Variants in NAV3 observed in about 807,000 individuals in gnomAD.
NAV3 encodes neuron navigator 3.
NAV3 carries 87 observed loss-of-function variants against 244.7 expected under a neutral mutation model. The ratio of observed to expected loss-of-function variants is 0.36; its 90% CI spans 0.30 to 0.42. The LOEUF (loss-of-function observed/expected upper bound fraction) is 0.42, where lower values mean the gene tolerates loss of function less well. Ranked by LOEUF, NAV3 falls within the 20% of genes least tolerant of loss-of-function variation. NAV3 has a pLI of 1.00. For missense variants in NAV3, 2,663 were observed against 2,893.3 expected (o/e 0.92, Z 1.83); for synonymous variants, 1,126 against 1,042.2 (o/e 1.08, Z -1.55).
Position 78,159,246 on chromosome 12 carries a change from C to A in NAV3, c.4829C>A (p.Thr1610Asn), listed in dbSNP as rs766879518. The stretch of plus-strand genomic sequence containing the variant: ...TTTGAAAAGAGCTTAGGGAATATGA[C>A]TGGCCGATTGCAAAGTCTAACTATG... ...AAFEKSLGNM[T>N]GRLQSLTMTA... The change falls in exon 23 of 40, where the codon ACT (threonine) becomes AAT (asparagine). Residue 1610 changes from threonine to asparagine, a missense_variant. Physicochemically the swap from Thr to Asn is moderately conservative, Grantham distance 65 (BLOSUM62 0). Around this residue, in one of 6 missense-constraint regions of NAV3, gnomAD observed 48 missense variants for 90.0 expected, o/e 0.53. Transcript: ENST00000397909. 6.2e-7 allele frequency: 1 copy of A among 1,613,398 alleles called. No homozygotes were observed. Among genetic ancestry groups the A allele is most frequent in the Non-Finnish European group, 8.5e-7 (1 of 1,179,584 alleles).
At chr12:77,951,114 C>G (rs1890830461) in intron 3 of NAV3, among the ~76,000 whole-genome samples, 1 of 152,124 alleles carries the variant, frequency 6.6e-6, no homozygotes, top group Admixed American at 6.5e-5. Flanking sequence ...AAGAAATCTA[C>G]CATCAGAGTG....
intron 2 of NAV3, among the ~76,000 whole-genome samples, chr12:77,662,012 TTATTTTAAC>T (rs985907135): frequency 8.7e-4 from 130 of 149,018 alleles, no homozygotes; most frequent in African/African-American, 3.1e-3. Context: ...TTTTTCAAAA[TTATTTTAAC>T]TATTCTAGGT....
At chr12:77,622,877 C>T (rs696460) in intron 2 of NAV3, among the ~76,000 whole-genome samples, 24,081 of 152,098 alleles carry the variant, frequency 0.16, 2,796 homozygotes, top group African/African-American at 0.32. Flanking sequence ...ACTATTGAGA[C>T]TAGATGCAGA....
At chr12:77,645,498 G>A (rs1339007971) in intron 2 of NAV3, among the ~76,000 whole-genome samples, 1 of 142,930 alleles carries the variant, frequency 7.0e-6, no homozygotes, top group South Asian at 2.2e-4. Flanking sequence ...GAGCATTTAA[G>A]GGCTTTCTTG....
chr12:77,599,710 A>G (rs1318059965), intron 2 of NAV3, among the ~76,000 whole-genome samples: 3 of 151,916 alleles, frequency 2.0e-5, no homozygotes, highest in Non-Finnish European at 4.4e-5. Flanking sequence ...GATAATTTAT[A>G]AGGTTTCAAT....
At chr12:77,864,680 TACC>T (rs1302212398) in intron 1 of NAV3, among the ~76,000 whole-genome samples, 18 of 152,138 alleles carry the variant, frequency 1.2e-4, no homozygotes, top group South Asian at 8.3e-4. Flanking sequence ...TCTGTCCATC[TACC>T]ATGCATCATA....
At chr12:77,925,286 T>A (rs1157635909) in intron 1 of NAV3, among the ~76,000 whole-genome samples, 1 of 152,188 alleles carries the variant, frequency 6.6e-6, no homozygotes, top group Non-Finnish European at 1.5e-5. Flanking sequence ...AAATTTGGTT[T>A]AGAGGCTTGA....
chr12:77,896,219 T>C (rs1053044571), intron 1 of NAV3, among the ~76,000 whole-genome samples: 6 of 152,172 alleles, frequency 3.9e-5, no homozygotes, highest in African/African-American at 1.4e-4. Flanking sequence ...TGAAGTTCAC[T>C]GTAAGTCGAT....
chr12:78,162,781 G>T (rs1166634416), intron 23 of NAV3, among the ~76,000 whole-genome samples: 2 of 149,876 alleles, frequency 1.3e-5, no homozygotes, highest in African/African-American at 4.9e-5. Context: ...AGAATCACTT[G>T]AACCTGGGAG....
chr12:77,591,108 A>G (rs1242544591), intron 2 of NAV3, among the ~76,000 whole-genome samples: 2 of 152,236 alleles, frequency 1.3e-5, no homozygotes, highest in African/African-American at 2.4e-5. Context: ...AGAAAATAAA[A>G]TATATGAGAT....
intron 2 of NAV3, among the ~76,000 whole-genome samples, chr12:77,649,582 A>G (rs1373701445): frequency 3.3e-5 from 5 of 152,194 alleles, no homozygotes; most frequent in Non-Finnish European, 7.4e-5. Context: ...AAATAGAAAG[A>G]TAGTCTTTAA....
In NAV3 at chr12:78,190,202, G is replaced by A. The variant is rs748789511; in HGVS notation, c.6274G>A (p.Asp2092Asn). 1.9e-6 allele frequency: 3 copies of A among 1,611,834 alleles called. No homozygotes were observed. The African/African-American group carries it at 4.0e-5, about 22-fold the overall frequency. ...GGATGCAATTGCCACTTTTAATGTG[G>A]ACCACAAGTCAAGTAAGGTATGTTA... ...TEDAIATFNVDHKSSKELQQY... is the reference protein window; with the variant it reads ...TEDAIATFNVNHKSSKELQQY... The change falls in exon 34 of 40, where the codon GAC (aspartate) becomes AAC (asparagine). Residue 2092 changes from aspartate to asparagine, a missense_variant. Asp to Asn is a conservative substitution (Grantham distance 23). Transcript: ENST00000397909.
chr12:77,650,947 G>A (rs12319446), intron 2 of NAV3, among the ~76,000 whole-genome samples: 9,263 of 151,952 alleles, frequency 0.061, 714 homozygotes, highest in African/African-American at 0.18. Flanking sequence ...GATTGAGCAC[G>A]GAGGATAAAA....
chr12:77,746,953 G>T (rs1166953805), intron 2 of NAV3, among the ~76,000 whole-genome samples: 6 of 152,120 alleles, frequency 3.9e-5, no homozygotes, highest in Admixed American at 2.0e-4. Context: ...AGGGACACTT[G>T]TCAAACTCAA....
rs570138351 is a variant in NAV3, at chr12:77,854,299, C to G, written c.243+22595C>G. 4.6e-5 allele frequency among the ~76,000 whole-genome samples: 7 copies of G among 152,270 alleles called. No individual in the cohort carries two copies. The East Asian group carries it at 1.2e-3, about 25-fold the overall frequency. On this transcript the variant is annotated intron_variant, in intron 1 of 39. Transcript: ENST00000397909. ...TCTGTTGATTCAGCTTAGAGCAGCT[C>G]TATCATATTTTTGGCAGTACCTCAT...
At chr12:77,857,774 G>A (rs1468633668) in intron 1 of NAV3, among the ~76,000 whole-genome samples, 1 of 151,608 alleles carries the variant, frequency 6.6e-6, no homozygotes, top group African/African-American at 2.4e-5. Flanking sequence ...TGAAAACTAG[G>A]GATAGTAAAA....
intron 1 of NAV3, among the ~76,000 whole-genome samples, chr12:77,920,773 G>GA (rs138682229): frequency 6.6e-6 from 1 of 151,614 alleles, no homozygotes; most frequent in Admixed American, 6.6e-5. Context: ...GAAGTCATCC[G>GA]AAAAAAAATT....
At chr12:78,106,575 T>A (rs998352695) in intron 12 of NAV3, among the ~76,000 whole-genome samples, 2 of 152,144 alleles carry the variant, frequency 1.3e-5, no homozygotes, top group African/African-American at 4.8e-5. Flanking sequence ...ATAATTCAAA[T>A]GGAAATGCAA....
At chr12:78,153,049 C>T (rs1365394177) in intron 22 of NAV3, among the ~76,000 whole-genome samples, 1 of 151,950 alleles carries the variant, frequency 6.6e-6, no homozygotes, top group Non-Finnish European at 1.5e-5. Context: ...TCATAGCTTA[C>T]GTGCTTTTCC....
Sources: gnomAD v4.1 joint callset for allele counts (sites outside exome capture counted in the v4.1 genomes callset) on GRCh38, gnomAD v4.1.1 for gene constraint, gnomAD v4.1.1 regional missense constraint, MANE v1.5 for transcripts, NCBI Gene and HGNC (gene_info 2026-07-23, HGNC 2026-07-21) for gene names.